The following CEP83 variants were observed in gnomAD, a reference collection of about 807,000 sequenced individuals.
CEP83 encodes centrosomal protein of 83 kDa.
Under a neutral mutation model 101.9 loss-of-function variants are expected in CEP83, and 70 were observed. The ratio of observed to expected loss-of-function variants is 0.69; its 90% confidence interval spans 0.57 to 0.84. The LOEUF is 0.84. CEP83 is among the 40% of genes least tolerant of loss of function. The pLI is 0.00. For missense variants in CEP83, 715 were observed against 787.2 expected, an observed-to-expected ratio of 0.91 and a Z score of 1.10; for synonymous variants, 264 against 267.9, an observed-to-expected ratio of 0.99 and a Z score of 0.14.
In CEP83 at chr12:94,411,859, TAA is replaced by T. The variant is rs756780367; in HGVS notation, c.174-14_174-13del. The T allele has an allele frequency of 6.9e-6, 11 of 1,601,296 alleles. No homozygotes were observed. Among genetic ancestry groups the T allele is most frequent in the Non-Finnish European group, 4.3e-6 (5 of 1,173,196 alleles). ...GTTCATTCTGCAACCTGGTTTTTTT[TAA>T]AGAGAATTCAATTTTGAGTAAATCC... On this transcript the variant is annotated splice_polypyrimidine_tract_variant and intron_variant, in intron 3 of 16. Coordinates refer to ENST00000397809, the MANE Select transcript of CEP83 (RefSeq NM_016122.3).
At chr12:94,458,061 G>T (rs2067821331) in intron 1 of CEP83, among the ~76,000 whole-genome samples, 1 of 151,946 alleles carries the variant, frequency 6.6e-6, no homozygotes, top group African/African-American at 2.4e-5. Flanking sequence ...GCAGGGCATG[G>T]TGGCATGCAC....
At chr12:94,392,069 T>C (rs1314987905) in intron 6 of CEP83, among the ~76,000 whole-genome samples, 1 of 152,122 alleles carries the variant, frequency 6.6e-6, no homozygotes, top group Non-Finnish European at 1.5e-5. Context: ...CTGTCAATAT[T>C]AGACAGATCA....
intron 6 of CEP83, among the ~76,000 whole-genome samples, chr12:94,391,281 G>A (rs183633384): frequency 1.3e-5 from 2 of 152,082 alleles, no homozygotes. Context: ...CGGATCTCTC[G>A]GCAGAAACCC....
intron 14 of CEP83, among the ~76,000 whole-genome samples, chr12:94,326,945 A>G (rs1445964270): frequency 6.6e-6 from 1 of 152,218 alleles, no homozygotes; most frequent in Non-Finnish European, 1.5e-5. Context: ...TTAAGCCACA[A>G]GGTTTGTGGT....
chr12:94,376,923 A>G (rs753664139), intron 7 of CEP83, among the ~76,000 whole-genome samples: 7 of 151,882 alleles, frequency 4.6e-5, no homozygotes, highest in Non-Finnish European at 7.4e-5. Context: ...TACTTTTTGT[A>G]GAGACAGGGT....
intron 9 of CEP83, 101 bp downstream of exon 9, chr12:94,369,821 G>C: frequency 1.5e-6 from 1 of 667,064 alleles, no homozygotes; most frequent in Non-Finnish European, 2.6e-6. Flanking sequence ...AAATTAAGTT[G>C]AAAATTTGGA....
At chr12:94,318,847 C>G (rs1039354890) in intron 14 of CEP83, among the ~76,000 whole-genome samples, 1 of 152,130 alleles carries the variant, frequency 6.6e-6, no homozygotes, top group Non-Finnish European at 1.5e-5. Flanking sequence ...CATCAATATT[C>G]GTCAAAGATA....
chr12:94,392,970 T>C (rs961787321), intron 6 of CEP83, among the ~76,000 whole-genome samples: 4 of 152,110 alleles, frequency 2.6e-5, no homozygotes, highest in African/African-American at 9.7e-5. Flanking sequence ...GTTCTGAAAT[T>C]GAGGCAATAA....
At chr12:94,365,245 A>C (rs1367169385) in intron 11 of CEP83, among the ~76,000 whole-genome samples, 4 of 152,260 alleles carry the variant, frequency 2.6e-5, no homozygotes, top group African/African-American at 9.6e-5. Context: ...AATGGCCCTT[A>C]AACACATGGA....
chr12:94,319,674 G>C (rs778512650), intron 14 of CEP83, among the ~76,000 whole-genome samples: 1 of 152,146 alleles, frequency 6.6e-6, no homozygotes, highest in Admixed American at 6.6e-5. Flanking sequence ...AAATGGTTTT[G>C]AGCAATTATA....
chr12:94,266,334 GCGGGAA>G, the CEP83 span, among the ~76,000 whole-genome samples: 4 of 152,194 alleles, frequency 2.6e-5, no homozygotes, highest in Non-Finnish European at 5.9e-5. Context: ...CCATCCGAGA[GCGGGAA>G]GCTGAGCTGA....
At chr12:94,311,178 T>C (rs1253836221) in intron 15 of CEP83, among the ~76,000 whole-genome samples, 1 of 152,212 alleles carries the variant, frequency 6.6e-6, no homozygotes, top group African/African-American at 2.4e-5. Context: ...GCTTCTGGGT[T>C]GCTGAACATG....
At chr12:94,334,442 A>G (rs527877586) in intron 12 of CEP83, among the ~76,000 whole-genome samples, 1 of 152,264 alleles carries the variant, frequency 6.6e-6, no homozygotes, top group African/African-American at 2.4e-5. Flanking sequence ...ACAGTTACAC[A>G]TACCTCCCCC....
chr12:94,411,797 T>C lies in CEP83; in HGVS notation c.224A>G (p.Asn75Ser). 6.2e-7 allele frequency: 1 copy of C among 1,613,248 alleles called. No individual in the cohort carries two copies. The highest frequency in any genetic ancestry group is 8.5e-7 in the Non-Finnish European group (1 of 1,179,624). ...TTTTTCCTGCTGAGTTTGCTTTTCATTAAACAGGTGCTTGAGTTCATTTTG... is the reference window on the plus strand; with the variant it reads ...TTTTTCCTGCTGAGTTTGCTTTTCACTAAACAGGTGCTTGAGTTCATTTTG... ...KLQNELKHLFNEKQTQQEKLQ... is the reference protein window; with the variant it reads ...KLQNELKHLFSEKQTQQEKLQ... Residue 75 changes from asparagine to serine, a missense_variant, in exon 4 of 17, where the codon AAT (asparagine) becomes AGT (serine). Transcript: ENST00000397809.
Position 94,385,312 on chromosome 12 carries a change from C to T in CEP83, c.550-6270G>A, listed in dbSNP as rs570611520. On this transcript the variant is annotated intron_variant, in intron 6 of 16. Coordinates refer to ENST00000397809, the MANE Select transcript of CEP83 (RefSeq NM_016122.3). ...TGTGGCCTCCATTGATAACACGCAG[C>T]TGGGTAGTGGTTAAAGTCCTGACCC... 2.6e-5 allele frequency among the ~76,000 whole-genome samples: 4 copies of T among 152,250 alleles called. No individual in the cohort carries two copies. The East Asian group carries it at 5.8e-4, about 22-fold the overall frequency.
chr12:94,432,460 A>G (rs1424160613), intron 2 of CEP83, among the ~76,000 whole-genome samples: 2 of 152,180 alleles, frequency 1.3e-5, no homozygotes, highest in East Asian at 1.9e-4. Flanking sequence ...ATGGATAAAG[A>G]TGGAGATCAT....
At chr12:94,398,875 A>C (rs951262629) in intron 6 of CEP83, among the ~76,000 whole-genome samples, 52 of 152,226 alleles carry the variant, frequency 3.4e-4, no homozygotes, top group South Asian at 1.5e-3. Flanking sequence ...TATGCGGTTG[A>C]GATAAGGACT....
At chr12:94,393,385 T>C (rs1427310372) in intron 6 of CEP83, among the ~76,000 whole-genome samples, 1 of 152,174 alleles carries the variant, frequency 6.6e-6, no homozygotes, top group Non-Finnish European at 1.5e-5. Flanking sequence ...CACATGATTA[T>C]CTCAATAGAT....
chr12:94,376,455 T>TAA (rs147881584), intron 7 of CEP83, among the ~76,000 whole-genome samples: 2 of 151,660 alleles, frequency 1.3e-5, no homozygotes, highest in African/African-American at 4.8e-5. Context: ...TCAATGATTT[T>TAA]AAAAAAAGAA....
Sources: gnomAD v4.1 joint callset for allele counts (sites outside exome capture counted in the v4.1 genomes callset) on GRCh38, gnomAD v4.1.1 for gene constraint, MANE v1.5 for transcripts, NCBI Gene and HGNC (gene_info 2026-07-23, HGNC 2026-07-21) for gene names.